The following RIOK2 variants were observed in gnomAD, a reference collection of about 807,000 sequenced individuals.
RIOK2 encodes RIO kinase 2.
RIOK2 carries 46 observed loss-of-function variants against 62.4 expected under a neutral mutation model. That is an observed-to-expected ratio of 0.74 (90% CI 0.58 to 0.94). RIOK2 has a LOEUF of 0.94. RIOK2 is among the 40% of genes least tolerant of loss of function. The pLI is 0.00. For missense variants in RIOK2, 574 were observed against 658.0 expected (o/e 0.87, Z 1.40); for synonymous variants, 197 against 216.0 (o/e 0.91, Z 0.77).
intron 8 of RIOK2, chr5:97,166,291 C>T (rs979306933): frequency 2.2e-6 from 1 of 455,094 alleles, no homozygotes; most frequent in Non-Finnish European, 4.4e-6. Context: ...CTCTGTCACC[C>T]CTCTTTTCCT....
Position 97,163,141 on chromosome 5 carries a change from T to C in RIOK2, c.1579A>G (p.Asn527Asp), listed in dbSNP as rs778996495. Reference sequence around the variant, plus strand: ...TCCCTACGTTGCTTGGTAAATATATTTGCTTCTCCTTTCTGCAATCGACGT... The same window carrying C: ...TCCCTACGTTGCTTGGTAAATATATCTGCTTCTCCTTTCTGCAATCGACGT... ...VRRRLQKGEA[N>D]IFTKQRRENM... Residue 527 changes from asparagine to aspartate, a missense_variant, in exon 10 of 10, where the codon AAT becomes GAT. By Grantham distance (23) the Asn-to-Asp change is conservative. Coordinates refer to ENST00000283109, the MANE Select transcript of RIOK2 (RefSeq NM_018343.3). 5 of 1,613,708 alleles carry C rather than the reference T, an allele frequency of 3.1e-6. No individual in the cohort carries two copies. In the Admixed American group the frequency reaches 8.3e-5, roughly 27 times the overall value.
intron 1 of RIOK2, among the ~76,000 whole-genome samples, chr5:97,181,433 G>C (rs1010403589): frequency 6.6e-6 from 1 of 152,108 alleles, no homozygotes; most frequent in African/African-American, 2.4e-5. Context: ...GGAAGAAAAG[G>C]AATGTTTGGG....
At chr5:97,181,577 A>G (rs1277282830) in intron 1 of RIOK2, among the ~76,000 whole-genome samples, 1 of 152,210 alleles carries the variant, frequency 6.6e-6, no homozygotes. Flanking sequence ...GTGAGATTCA[A>G]CTGAGACCGG....
intron 4 of RIOK2, among the ~76,000 whole-genome samples, chr5:97,175,037 G>C (rs1465399218): frequency 6.6e-6 from 1 of 151,952 alleles, no homozygotes; most frequent in Admixed American, 6.6e-5. Flanking sequence ...CAGCCTGGGT[G>C]ACAGAGTGAG....
At chr5:97,181,907 A>G (rs1169915634) in intron 1 of RIOK2, among the ~76,000 whole-genome samples, 2 of 152,218 alleles carry the variant, frequency 1.3e-5, no homozygotes, top group East Asian at 3.8e-4. Context: ...ATGAGAGGCA[A>G]AGTAAACATT....
chr5:97,166,226 TTC>T, intron 8 of RIOK2: 2 of 444,342 alleles, frequency 4.5e-6, no homozygotes, highest in Non-Finnish European at 4.5e-6. Context: ...CTCCTATTTA[TTC>T]TGTTTCTTTG....
chr5:97,164,992 G>A, intron 9 of RIOK2, 59 bp downstream of exon 9: 1 of 1,101,120 alleles, frequency 9.1e-7, no homozygotes, highest in Non-Finnish European at 1.3e-6. Context: ...ATGAGACAAG[G>A]CAATCAGATC....
intron 8 of RIOK2, chr5:97,166,404 T>C (rs1463189395): frequency 2.4e-6 from 1 of 417,434 alleles, no homozygotes; most frequent in African/African-American, 2.1e-5. Flanking sequence ...TCTCATGTTT[T>C]GCTTCAGGAA....
At chr5:97,180,178 A>G in intron 1 of RIOK2, among the ~76,000 whole-genome samples, 1 of 120,828 alleles carries the variant, frequency 8.3e-6, no homozygotes, top group Admixed American at 9.5e-5. Context: ...TTTACCTCTG[A>G]GAAATTTTTA....
At position 97,174,853 on chromosome 5, in the gene RIOK2, T is replaced by C. The variant is rs1429632244; in HGVS notation, c.499-1590A>G. 2.6e-5 allele frequency among the ~76,000 whole-genome samples: 4 copies of C among 152,026 alleles called. No homozygotes were observed. The East Asian group carries it at 7.7e-4, about 29-fold the overall frequency. Reference sequence around the variant, plus strand: ...TTTGGGAGGCCGAGGTGGGTGAATCTCTTGAGGCCAGGGGTTTGAGAGCAG... The same window carrying C: ...TTTGGGAGGCCGAGGTGGGTGAATCCCTTGAGGCCAGGGGTTTGAGAGCAG... On this transcript the variant is annotated intron_variant, in intron 4 of 9. Coordinates refer to ENST00000283109, the MANE Select transcript of RIOK2 (RefSeq NM_018343.3).
chr5:97,177,170 C>A lies in RIOK2; in HGVS notation c.444G>T (p.Val148=), dbSNP rs761899393. Residue 148 remains valine, a synonymous_variant, in exon 4 of 10, where the codon GTG becomes GTT. Transcript: ENST00000283109. ...AGAGACGAGATAAATATAGCCATGACACATTGTGCCTATGTTTATGATAAT... is the reference window on the plus strand; with the variant it reads ...AGAGACGAGATAAATATAGCCATGAAACATTGTGCCTATGTTTATGATAAT... ...KRDYHKHRHN[V]SWLYLSRLSA... is the part of the protein sequence containing the mutation. The A allele has an allele frequency of 2.5e-6, 4 of 1,613,016 alleles. No individual in the cohort carries two copies. The Admixed American group carries it at 6.7e-5, about 27-fold the overall frequency.
At chr5:97,177,662 G>C in intron 3 of RIOK2, 70 bp downstream of exon 3, 1 of 944,450 alleles carries the variant, frequency 1.1e-6, no homozygotes, top group Non-Finnish European at 1.6e-6. Flanking sequence ...ATTAAAAGAG[G>C]AAAGGTTTCT....
chr5:97,177,813 C>A lies in RIOK2; in HGVS notation c.241G>T (p.Asp81Tyr). 6.2e-7 allele frequency: 1 copy of A among 1,613,434 alleles called. No individual in the cohort carries two copies. ...GAAAGTGTTTTCAAAGCTAGGTAAT[C>A]ATATCCTGCATTTGTCAACCGATAG... is the stretch of plus-strand genomic sequence containing the variant. ...QGYRLTNAGYDYLALKTLSSR... is the reference protein window; with the variant it reads ...QGYRLTNAGYYYLALKTLSSR... The change falls in exon 3 of 10, where the codon GAT becomes TAT. Residue 81 changes from aspartate to tyrosine, a missense_variant. Transcript: ENST00000283109.
Position 97,163,181 on chromosome 5 carries a change from TTGC to T in RIOK2, c.1536_1538del (p.Gln513del). ...GCAATCGACGTCTGACAGCTGATTT[TTGC>T]TGTTTTGTCAACTGACGTTTCACCT... is the stretch of plus-strand genomic sequence containing the variant. On this transcript the variant is annotated inframe_deletion, in exon 10 of 10. Transcript: ENST00000283109. The T allele has an allele frequency of 6.2e-7, 1 of 1,613,742 alleles. No homozygotes were observed. The highest frequency in any genetic ancestry group is 8.5e-7 in the Non-Finnish European group (1 of 1,179,850).
chr5:97,167,221 C>G (rs1748867781), intron 8 of RIOK2: 2 of 1,381,460 alleles, frequency 1.4e-6, no homozygotes, highest in Non-Finnish European at 1.9e-6. Flanking sequence ...TGTGCCCAGC[C>G]ATCAGTTTGT....
At position 97,161,728 on chromosome 5, in the gene RIOK2, C is replaced by G. The variant is rs183048657; in HGVS notation, c.*1333G>C. ...AAGCTGAGCAGGATAAGGCTTTATT[C>G]CCAATTTGCTTTCATAGCTCTGAAT... On this transcript the variant is annotated 3_prime_UTR_variant, in exon 10 of 10. Coordinates refer to ENST00000283109, the MANE Select transcript of RIOK2 (RefSeq NM_018343.3). 2.0e-5 allele frequency: 3 copies of G among 152,096 alleles called. No individual in the cohort carries two copies. The highest frequency in any genetic ancestry group is 7.2e-5 in the African/African-American group (3 of 41,408). The allele number at this position is 152,096 out of a possible 1,614,324, so 9.4% of individuals were successfully genotyped here.
In RIOK2 at chr5:97,183,219, T is replaced by G. The variant is rs369188382; in HGVS notation, c.-28A>C. The G allele has an allele frequency of 1.3e-5, 21 of 1,613,284 alleles. No homozygotes were observed. Among genetic ancestry groups the G allele is most frequent in the African/African-American group, 2.7e-5 (2 of 74,862 alleles). ...CGGCCCCAGTCCGAACCCAGATGCC[T>G]CTCCGACGACAGCCGCAAAGCGTAA... On this transcript the variant is annotated 5_prime_UTR_variant, in exon 1 of 10. Coordinates refer to ENST00000283109, the MANE Select transcript of RIOK2 (RefSeq NM_018343.3).
chr5:97,178,103 A>G (rs1749221216), intron 2 of RIOK2, among the ~76,000 whole-genome samples: 2 of 152,226 alleles, frequency 1.3e-5, no homozygotes, highest in East Asian at 1.9e-4. Context: ...TTCAATTTGT[A>G]TATCAATTTG....
intron 1 of RIOK2, among the ~76,000 whole-genome samples, chr5:97,180,120 GTATATGTATATATATATATATGTATA>G (rs1749342499): frequency 6.2e-5 from 2 of 32,144 alleles, no homozygotes; most frequent in Non-Finnish European, 1.5e-4. Flanking sequence ...TTCTGCATGT[GTATATGTATATATATATATATGTATA>G]TATATATATA....
Sources: allele counts gnomAD v4.1 joint callset (sites outside exome capture counted in the v4.1 genomes callset), GRCh38; gene constraint gnomAD v4.1.1; transcripts MANE v1.5; gene names NCBI Gene and HGNC (gene_info 2026-07-23, HGNC 2026-07-21).